Variants in ITPRID1 observed in about 807,000 individuals in gnomAD.
ITPRID1 encodes the protein ITPR interacting domain containing 1.
ITPRID1 carries 96 observed loss-of-function variants against 95.4 expected under a neutral mutation model. That is an observed-to-expected ratio of 1.01 (90% CI 0.85 to 1.19). ITPRID1 has a LOEUF of 1.19. ITPRID1 is among the 50% of genes most tolerant of loss of function. The pLI is 0.00. For synonymous variants in ITPRID1, 510 were observed against 453.6 expected, an observed-to-expected ratio of 1.12 and a Z score of -1.58; for missense variants, 1,339 against 1,252.9, an observed-to-expected ratio of 1.07 and a Z score of -1.04.
rs1786770831 is a variant in ITPRID1, at chr7:31,609,455, T to C, written c.1228+26264T>C. On this transcript the variant is annotated intron_variant, in intron 10 of 14. Transcript: ENST00000615280. Reference sequence around the variant, plus strand: ...CCTGAAATTTTCTTTGTGGACTGTTTTAAAATTTCTAATTAAATAACTTTA... The same window carrying C: ...CCTGAAATTTTCTTTGTGGACTGTTCTAAAATTTCTAATTAAATAACTTTA... Among the ~76,000 whole-genome samples the C allele has an allele frequency of 6.6e-5, 10 of 151,798 alleles. No individual in the cohort carries two copies. In the South Asian group the frequency reaches 2.1e-3, roughly 31 times the overall value.
At chr7:31,527,048 T>C (rs1054079471) in intron 1 of ITPRID1, among the ~76,000 whole-genome samples, 3 of 152,182 alleles carry the variant, frequency 2.0e-5, no homozygotes, top group Admixed American at 1.3e-4. Flanking sequence ...TATTATGTAG[T>C]AGGCATGCTG....
rs1784925420 is a variant in ITPRID1, at chr7:31,569,872, A to G, written c.308+63A>G. The G allele has an allele frequency of 2.1e-6, 3 of 1,397,928 alleles. No individual in the cohort carries two copies. The South Asian group carries it at 4.0e-5, about 19-fold the overall frequency. The allele number at this position is 1,397,928 out of a possible 1,614,324, so 86.6% of individuals were successfully genotyped here. On this transcript the variant is annotated intron_variant, in intron 6 of 14. Coordinates refer to ENST00000615280, the MANE Select transcript of ITPRID1 (RefSeq NM_001257967.3). ...TTGCAGCCACACCTTTGCTGAATAA[A>G]ATAGAAGTAGGGAAGTTTTCTTAAT...
At chr7:31,637,043 T>C (rs1789555998) in intron 10 of ITPRID1, among the ~76,000 whole-genome samples, 1 of 152,010 alleles carries the variant, frequency 6.6e-6, no homozygotes, top group South Asian at 2.1e-4. Context: ...GCTTCATCCA[T>C]GTCCCTACAA....
chr7:31,516,237 G>A (rs1005584569), intron 1 of ITPRID1, among the ~76,000 whole-genome samples: 1 of 152,088 alleles, frequency 6.6e-6, no homozygotes, highest in African/African-American at 2.4e-5. Flanking sequence ...ATGTCTTATT[G>A]CACATTTAGG....
chr7:31,560,514 G>C (rs1324764864), intron 5 of ITPRID1, among the ~76,000 whole-genome samples: 1 of 152,188 alleles, frequency 6.6e-6, no homozygotes, highest in Non-Finnish European at 1.5e-5. Flanking sequence ...ATCCAGAGGA[G>C]AGAGGATAGG....
intron 10 of ITPRID1, among the ~76,000 whole-genome samples, chr7:31,630,633 A>C (rs1267739001): frequency 1.3e-5 from 2 of 152,180 alleles, no homozygotes; most frequent in Non-Finnish European, 2.9e-5. Flanking sequence ...CATATTTACC[A>C]ATCAGTTATA....
At chr7:31,588,155 G>C (rs1785700680) in intron 10 of ITPRID1, among the ~76,000 whole-genome samples, 2 of 152,060 alleles carry the variant, frequency 1.3e-5, no homozygotes, top group African/African-American at 4.8e-5. Flanking sequence ...CATAAACTCT[G>C]GACAAAATAT....
chr7:31,642,411 G>C (rs948290613), intron 11 of ITPRID1, among the ~76,000 whole-genome samples, 153 bp downstream of exon 11: 1 of 152,172 alleles, frequency 6.6e-6, no homozygotes, highest in African/African-American at 2.4e-5. Flanking sequence ...GAAGGCACAA[G>C]CCACCTGCAC....
At chr7:31,651,101 C>G (rs1562660733) in intron 12 of ITPRID1, 41 bp from the exon 13 acceptor site, 1 of 1,597,560 alleles carries the variant, frequency 6.3e-7, no homozygotes, top group African/African-American at 1.3e-5. Flanking sequence ...TGCAGAGGAT[C>G]AGAGAGGACT....
At chr7:31,592,306 C>T (rs1785900314) in intron 10 of ITPRID1, among the ~76,000 whole-genome samples, 1 of 152,182 alleles carries the variant, frequency 6.6e-6, no homozygotes, top group African/African-American at 2.4e-5. Flanking sequence ...TAACAAATTA[C>T]TCAATCTCTA....
intron 1 of ITPRID1, chr7:31,529,816 T>G (rs1783537978): frequency 1.3e-6 from 2 of 1,535,066 alleles, no homozygotes; most frequent in East Asian, 4.9e-5. Flanking sequence ...TGAAACTCCT[T>G]TATTCTGGTA....
intron 10 of ITPRID1, among the ~76,000 whole-genome samples, chr7:31,591,058 G>A (rs1211677091): frequency 1.3e-5 from 2 of 152,164 alleles, no homozygotes; most frequent in Non-Finnish European, 2.9e-5. Flanking sequence ...GAGATGCATG[G>A]CTCATGCATG....
chr7:31,655,819 C>T lies in ITPRID1; in HGVS notation c.*2990C>T, dbSNP rs750369406. Reference sequence around the variant, plus strand: ...GACCTCCCCTTCTCCATGTAGACTCCGAGCTCTCCTGCAGTTTCTTCCTTG... The same window carrying T: ...GACCTCCCCTTCTCCATGTAGACTCTGAGCTCTCCTGCAGTTTCTTCCTTG... On this transcript the variant is annotated 3_prime_UTR_variant, in exon 15 of 15. Coordinates refer to ENST00000615280, the MANE Select transcript of ITPRID1 (RefSeq NM_001257967.3). 30 of 985,430 alleles carry T rather than the reference C, an allele frequency of 3.0e-5. No individual in the cohort carries two copies. Among genetic ancestry groups the T allele is most frequent in the African/African-American group, 1.9e-4 (11 of 57,228 alleles). The allele number at this position is 985,430 out of a possible 1,614,324, so 61.0% of individuals were successfully genotyped here. A position where few individuals can be genotyped will look rare whatever the true frequency, so the allele number is the denominator to read the frequency against.
chr7:31,552,994 G>T lies in ITPRID1; in HGVS notation c.-23-8G>T, dbSNP rs746850092. ...GTGTCTGATTTGTTTGTGTGTGTGT[G>T]TTTTAAGTTAGTTTGCAGAATTACT... On this transcript the variant is annotated splice_polypyrimidine_tract_variant and splice_region_variant and intron_variant, in intron 2 of 14. Coordinates refer to ENST00000615280, the MANE Select transcript of ITPRID1 (RefSeq NM_001257967.3). The T allele has an allele frequency of 5.0e-6, 8 of 1,597,640 alleles. No individual in the cohort carries two copies. Among genetic ancestry groups the T allele is most frequent in the Non-Finnish European group, 6.8e-6 (8 of 1,172,132 alleles).
chr7:31,593,028 G>A (rs1299593451), intron 10 of ITPRID1, among the ~76,000 whole-genome samples: 4 of 152,054 alleles, frequency 2.6e-5, no homozygotes, highest in African/African-American at 9.7e-5. Flanking sequence ...AATCGCGCTG[G>A]GCACAGCGTC....
chr7:31,545,653 C>A (rs1203516507), intron 1 of ITPRID1, among the ~76,000 whole-genome samples: 1 of 152,068 alleles, frequency 6.6e-6, no homozygotes, highest in Non-Finnish European at 1.5e-5. Context: ...TGGGTTCCAG[C>A]TTGGGCACAA....
chr7:31,643,626 A>G lies in ITPRID1; in HGVS notation c.2256A>G (p.Thr752=), dbSNP rs149320755. ...PVTATETRLG[T]KARQLNDASI... is the part of the protein sequence containing the mutation. ...CCGCAACAGAAACAAGACTGGGGAC[A>G]AAAGCAAGACAGTTAAATGATGCTT... Residue 752 remains threonine (T), a synonymous_variant, in exon 12 of 15, where the codon ACA becomes ACG. Transcript: ENST00000615280. The G allele has an allele frequency of 6.2e-6, 10 of 1,613,934 alleles. No homozygotes were observed. The highest frequency in any genetic ancestry group is 1.3e-5 in the African/African-American group (1 of 74,942).
intron 10 of ITPRID1, among the ~76,000 whole-genome samples, chr7:31,626,994 T>C (rs1319274791): frequency 6.6e-6 from 1 of 152,276 alleles, no homozygotes; most frequent in African/African-American, 2.4e-5. Flanking sequence ...GCAGTATGCC[T>C]TATGAATTAT....
At chr7:31,581,846 AC>A (rs1785416241) in intron 9 of ITPRID1, among the ~76,000 whole-genome samples, 1 of 152,190 alleles carries the variant, frequency 6.6e-6, no homozygotes, top group South Asian at 2.1e-4. Flanking sequence ...GACTTCAGTT[AC>A]CAACACCAGT....
Sources: gnomAD v4.1 joint callset for allele counts (sites outside exome capture counted in the v4.1 genomes callset) on GRCh38, gnomAD v4.1.1 for gene constraint, MANE v1.5 for transcripts, NCBI Gene and HGNC (gene_info 2026-07-23, HGNC 2026-07-21) for gene names.